Variants in TNFRSF8 observed in about 807,000 individuals in gnomAD.
TNFRSF8 encodes the protein TNF receptor superfamily member 8.
In TNFRSF8, 26 loss-of-function variants were observed where a neutral mutation model predicts 70.8. The ratio of observed to expected loss-of-function variants is 0.37; its 90% CI spans 0.27 to 0.51. The LOEUF is 0.51. Among genes scored for constraint, TNFRSF8 ranks in the 20% least tolerant of loss-of-function variants. The pLI, the probability that TNFRSF8 is intolerant of heterozygous loss-of-function variation, is 0.94. For synonymous variants in TNFRSF8, 356 were observed against 339.2 expected, an observed-to-expected ratio of 1.05 and a Z score of -0.54; for missense variants, 720 against 807.9, an observed-to-expected ratio of 0.89 and a Z score of 1.32.
chr1:12,095,414 A>G (rs974610815), intron 2 of TNFRSF8, among the ~76,000 whole-genome samples: 4 of 150,662 alleles, frequency 2.7e-5, no homozygotes, highest in Non-Finnish European at 5.9e-5. Context: ...CAGCCTCCCC[A>G]GTAGCTGGGA....
chr1:12,063,585 G>A lies in TNFRSF8; in HGVS notation c.-14G>A, dbSNP rs998929498. On this transcript the variant is annotated 5_prime_UTR_variant, in exon 1 of 15. Coordinates refer to ENST00000263932, the MANE Select transcript of TNFRSF8 (RefSeq NM_001243.5). The surrounding 1 kb of genome is among the most constrained non-coding windows in gnomAD (Gnocchi z 7.2). The stretch of plus-strand genomic sequence containing the variant: ...GGCGCCGGCCGCCAGGCCACCTCAC[G>A]TCCGGCCCCGGGGATGCGCGTCCTC... 6 of 1,310,978 alleles carry A rather than the reference G, an allele frequency of 4.6e-6. No individual in the cohort carries two copies. The highest frequency in any genetic ancestry group is 5.9e-6 in the Non-Finnish European group (6 of 1,021,974). The allele number at this position is 1,310,978 out of a possible 1,614,324, so 81.2% of individuals were successfully genotyped here.
chr1:12,066,656 A>T (rs111274259), intron 1 of TNFRSF8, among the ~76,000 whole-genome samples: 5 of 144,152 alleles, frequency 3.5e-5, no homozygotes, highest in African/African-American at 1.3e-4. Context: ...CCCGGCCTAA[A>T]TTTTTTTTTA....
Position 12,110,155 on chromosome 1 carries a change from G to A in TNFRSF8, c.627G>A (p.Thr209=), listed in dbSNP as rs376725720. 2.9e-5 allele frequency: 46 copies of A among 1,612,432 alleles called. No homozygotes were observed. The African/African-American group carries it at 4.0e-4, about 14-fold the overall frequency. The change falls in exon 6 of 15, where the codon ACG becomes ACA. Residue 209 remains threonine (T), a synonymous_variant. Transcript: ENST00000263932. This position sits in a 1 kb window ranked among gnomAD's most constrained non-coding sequence, Gnocchi z 4.0. ...RLAQEAASKL[T]RAPDSPSSVG... ...CCCAGGAAGCTGCTTCTAAACTGACGAGGGCTCCCGACTCTCCCTCCTCTG... is the reference window on the plus strand; with the variant it reads ...CCCAGGAAGCTGCTTCTAAACTGACAAGGGCTCCCGACTCTCCCTCCTCTG...
chr1:12,093,963 G>A (rs1295760491), intron 2 of TNFRSF8, among the ~76,000 whole-genome samples: 1 of 151,396 alleles, frequency 6.6e-6, no homozygotes, highest in African/African-American at 2.4e-5. Flanking sequence ...CTCAGCTGAG[G>A]CAGGAGAATC....
chr1:12,138,319 G>C lies in TNFRSF8; in HGVS notation c.1426G>C (p.Gly476Arg). 6.2e-7 allele frequency: 1 copy of C among 1,613,762 alleles called. No homozygotes were observed. Among genetic ancestry groups the C allele is most frequent in the Non-Finnish European group, 8.5e-7 (1 of 1,179,980 alleles). Residue 476 changes from glycine to arginine, a missense_variant, in exon 14 of 15, where the codon GGG becomes CGG. By Grantham distance (125) the Gly-to-Arg change is moderately radical. Coordinates refer to ENST00000263932, the MANE Select transcript of TNFRSF8 (RefSeq NM_001243.5). The surrounding 1 kb of genome is among the most constrained non-coding windows in gnomAD (Gnocchi z 5.7). ...ACTGATGGAGACCTGCCACAGCGTG[G>C]GGGCAGCCTACCTGGAGAGCCTGCC... ...QPLMETCHSV[G>R]AAYLESLPLQ...
At chr1:12,096,805 AC>A (rs1323447221) in intron 2 of TNFRSF8, among the ~76,000 whole-genome samples, 1 of 152,222 alleles carries the variant, frequency 6.6e-6, no homozygotes, top group Non-Finnish European at 1.5e-5. Context: ...ACACACACAC[AC>A]AAATAGTGCT....
At chr1:12,105,573 T>TCATA (rs1641506952) in intron 4 of TNFRSF8, among the ~76,000 whole-genome samples, 1 of 147,364 alleles carries the variant, frequency 6.8e-6, no homozygotes, top group Non-Finnish European at 1.5e-5. Flanking sequence ...TCTCTCTGTC[T>TCATA]CACACACACA....
intron 1 of TNFRSF8, among the ~76,000 whole-genome samples, chr1:12,083,950 G>A (rs536576854): frequency 3.9e-5 from 6 of 152,280 alleles, no homozygotes; most frequent in African/African-American, 1.2e-4. Context: ...GGGGGATGAC[G>A]GAGGAGCTGG....
rs530568597 is a variant in TNFRSF8 at position 12,142,852 on chromosome 1, C to T, written c.*321C>T. On this transcript the variant is annotated 3_prime_UTR_variant, in exon 15 of 15. Coordinates refer to ENST00000263932, the MANE Select transcript of TNFRSF8 (RefSeq NM_001243.5). The surrounding 1 kb of genome is among the most constrained non-coding windows in gnomAD (Gnocchi z 5.0). ...GCACTGCCGAGAACAGCATTGGTCC[C>T]AGAGCCCTGGGCATCAGACCTTAAC... 2.7e-4 allele frequency: 78 copies of T among 289,758 alleles called. 1 individual carries two copies. In the South Asian group the frequency reaches 4.8e-3, roughly 18 times the overall value. 17.9% of individuals were successfully genotyped at this position (289,758 alleles called of 1,614,324 possible).
chr1:12,094,688 C>T (rs1207571119), intron 2 of TNFRSF8, among the ~76,000 whole-genome samples: 3 of 148,670 alleles, frequency 2.0e-5, no homozygotes, highest in African/African-American at 7.5e-5. Flanking sequence ...TGCAGTGACG[C>T]GATCTCGGCT....
chr1:12,067,989 A>C (rs1640772464), intron 1 of TNFRSF8, among the ~76,000 whole-genome samples: 1 of 151,778 alleles, frequency 6.6e-6, no homozygotes, highest in African/African-American at 2.4e-5. Context: ...CCAGGGCGGC[A>C]CTAGTGCTCT....
chr1:12,096,993 T>C, intron 2 of TNFRSF8, 108 bp from the exon 3 acceptor site: 1 of 763,226 alleles, frequency 1.3e-6, no homozygotes, highest in Non-Finnish European at 2.2e-6. Flanking sequence ...TTTTCGGGGG[T>C]TGGAGGTGGA....
At chr1:12,087,348 A>C (rs1463959141) in intron 2 of TNFRSF8, among the ~76,000 whole-genome samples, 3 of 151,752 alleles carry the variant, frequency 2.0e-5, no homozygotes, top group Non-Finnish European at 4.4e-5. Flanking sequence ...TTGTATTTTT[A>C]GTAGAGATGG....
At chr1:12,078,713 G>A (rs1171063330) in intron 1 of TNFRSF8, among the ~76,000 whole-genome samples, 3 of 152,210 alleles carry the variant, frequency 2.0e-5, no homozygotes, top group East Asian at 3.8e-4. Flanking sequence ...CTGACCAGCT[G>A]TGTGACTTTG....
At chr1:12,135,738 C>T in intron 13 of TNFRSF8, 125 bp downstream of exon 13, 1 of 1,344,684 alleles carries the variant, frequency 7.4e-7, no homozygotes, top group Non-Finnish European at 1.0e-6. Flanking sequence ...TGGCCATTCC[C>T]CTCCCACAGT....
intron 12 of TNFRSF8, among the ~76,000 whole-genome samples, chr1:12,126,857 C>G (rs58140100): frequency 4.5e-4 from 69 of 152,360 alleles, no homozygotes; most frequent in African/African-American, 1.4e-3. Context: ...TTAAGCGCAT[C>G]GTGGAGTACC....
At chr1:12,133,738 C>CAA (rs34040378) in intron 12 of TNFRSF8, among the ~76,000 whole-genome samples, 10 of 90,970 alleles carry the variant, frequency 1.1e-4, no homozygotes, top group East Asian at 3.1e-4. Flanking sequence ...GACTCCATCT[C>CAA]AAAAAAAAAA....
chr1:12,125,903 T>G, intron 10 of TNFRSF8, 48 bp from the exon 11 acceptor site: 2 of 1,482,790 alleles, frequency 1.3e-6, no homozygotes, highest in Non-Finnish European at 1.9e-6. Context: ...GGGGCTGTCT[T>G]GTGTGGTTGC....
At position 12,115,731 on chromosome 1, in the gene TNFRSF8, T is replaced by C; in HGVS notation, c.946+2T>C. On this transcript the variant is annotated splice_donor_variant, in intron 8 of 14. Transcript: ENST00000263932. LOFTEE classifies it high-confidence loss of function. ...CAGAGACGGTCACCAAGCCCCAGGG[T>C]AAGCAGTTCCCACCCCAGGCCTCGA... 6.2e-7 allele frequency: 1 copy of C among 1,613,722 alleles called. No homozygotes were observed. The highest frequency in any genetic ancestry group is 8.5e-7 in the Non-Finnish European group (1 of 1,179,732).
Sources: allele counts gnomAD v4.1 joint callset (sites outside exome capture counted in the v4.1 genomes callset), GRCh38; gene constraint gnomAD v4.1.1; non-coding constraint Gnocchi (gnomAD v3.1); transcripts MANE v1.5; gene names NCBI Gene and HGNC (gene_info 2026-07-23, HGNC 2026-07-21).